The following LRP1B variants were observed in gnomAD, a reference collection of about 807,000 sequenced individuals.
LRP1B encodes the protein LDL receptor related protein 1B, also known as low-density lipoprotein receptor-related protein 1B.
LRP1B carries 217 observed loss-of-function variants against 556.6 expected under a neutral mutation model. The observed-to-expected ratio is 0.39, with a 90% CI of 0.35 to 0.44. The LOEUF is 0.44. Among genes scored for constraint, LRP1B ranks in the 20% least tolerant of loss-of-function variants. The probability of loss-of-function intolerance (pLI) is 1.00; values close to 1 mark genes in which losing one functional copy is unlikely to be tolerated. For missense variants in LRP1B, 5,053 were observed against 5,620.8 expected, an observed-to-expected ratio of 0.90 and a Z score of 3.23; for synonymous variants, 2,047 against 1,865.8, an observed-to-expected ratio of 1.10 and a Z score of -2.50.
chr2:140,461,282 T>C (rs998355240), intron 60 of LRP1B, among the ~76,000 whole-genome samples: 1 of 152,072 alleles, frequency 6.6e-6, no homozygotes, highest in African/African-American at 2.4e-5. Context: ...TTTAAATACT[T>C]AAGAAACGAA....
intron 59 of LRP1B, among the ~76,000 whole-genome samples, chr2:140,483,242 TATA>T (rs1429272978): frequency 6.6e-6 from 1 of 152,114 alleles, no homozygotes; most frequent in Admixed American, 6.6e-5. Flanking sequence ...TTATAACATC[TATA>T]ATAATTTTGT....
intron 18 of LRP1B, among the ~76,000 whole-genome samples, chr2:140,962,380 G>C (rs1468344825): frequency 2.0e-5 from 3 of 152,128 alleles, no homozygotes; most frequent in African/African-American, 7.2e-5. Flanking sequence ...AAAAACACCA[G>C]AGCAGGTCTA....
At chr2:142,008,312 T>C (rs927146352) in intron 1 of LRP1B, among the ~76,000 whole-genome samples, 12 of 152,132 alleles carry the variant, frequency 7.9e-5, no homozygotes, top group Non-Finnish European at 1.2e-4. Context: ...TAACACAGAA[T>C]AGTTTGAAAG....
chr2:141,889,858 A>G (rs1443099336), intron 1 of LRP1B, among the ~76,000 whole-genome samples: 2 of 152,156 alleles, frequency 1.3e-5, no homozygotes, highest in East Asian at 3.9e-4. Flanking sequence ...CCATTTAGTA[A>G]GAAATCTGCT....
chr2:141,278,379 G>A (rs1685382356), intron 3 of LRP1B, among the ~76,000 whole-genome samples: 2 of 152,084 alleles, frequency 1.3e-5, no homozygotes, highest in South Asian at 4.2e-4. Flanking sequence ...TATATTCCTA[G>A]TATAAATAGG....
At chr2:140,561,957 A>G (rs1374719278) in intron 43 of LRP1B, among the ~76,000 whole-genome samples, 1 of 152,128 alleles carries the variant, frequency 6.6e-6, no homozygotes, top group Non-Finnish European at 1.5e-5. Context: ...AATTTACTAT[A>G]TAAACAAAAT....
chr2:140,386,089 TCCA>T, intron 66 of LRP1B, 80 bp from the exon 67 acceptor site: 1 of 816,330 alleles, frequency 1.2e-6, no homozygotes, highest in Non-Finnish European at 2.1e-6. Flanking sequence ...CCATGCCAAA[TCCA>T]TGGCATATAA....
intron 1 of LRP1B, among the ~76,000 whole-genome samples, chr2:141,955,811 G>A (rs1356446047): frequency 2.6e-5 from 4 of 152,054 alleles, no homozygotes; most frequent in Admixed American, 6.6e-5. Flanking sequence ...TCTAGAGCTA[G>A]TAGTGATTCC....
intron 7 of LRP1B, among the ~76,000 whole-genome samples, chr2:141,077,592 A>G (rs541789788): frequency 4.6e-5 from 7 of 152,324 alleles, no homozygotes; most frequent in African/African-American, 1.7e-4. Flanking sequence ...AAAGATGATT[A>G]TCTTCAATAC....
intron 41 of LRP1B, among the ~76,000 whole-genome samples, chr2:140,650,045 C>T (rs1052214134): frequency 1.3e-5 from 2 of 151,946 alleles, no homozygotes; most frequent in African/African-American, 4.8e-5. Flanking sequence ...CTTTTATATT[C>T]AACTTCTGAT....
intron 43 of LRP1B, among the ~76,000 whole-genome samples, chr2:140,596,738 T>A (rs1239718487): frequency 6.6e-6 from 1 of 152,114 alleles, no homozygotes; most frequent in Non-Finnish European, 1.5e-5. Context: ...TCACCAGGGG[T>A]AGAATCACCT....
chr2:140,554,853 T>C (rs1349445636), intron 43 of LRP1B, among the ~76,000 whole-genome samples: 1 of 129,008 alleles, frequency 7.8e-6, no homozygotes, highest in Non-Finnish European at 1.7e-5. Flanking sequence ...AAAGTGTGTG[T>C]ATGTGTGTGT....
intron 3 of LRP1B, among the ~76,000 whole-genome samples, chr2:141,429,737 C>A (rs552622633): frequency 6.6e-6 from 1 of 152,018 alleles, no homozygotes; most frequent in African/African-American, 2.4e-5. Context: ...AGAGAATATG[C>A]GGTATTTGGT....
intron 7 of LRP1B, among the ~76,000 whole-genome samples, chr2:141,164,873 A>G (rs1050065627): frequency 6.6e-6 from 1 of 152,004 alleles, no homozygotes; most frequent in Non-Finnish European, 1.5e-5. Context: ...AATTTCTTCT[A>G]TGTTTTCCTA....
chr2:140,421,983 A>T (rs1238253958), intron 66 of LRP1B, among the ~76,000 whole-genome samples: 1 of 152,252 alleles, frequency 6.6e-6, no homozygotes, highest in Non-Finnish European at 1.5e-5. Context: ...TCTATATAGT[A>T]AAGCCTTCTT....
intron 3 of LRP1B, among the ~76,000 whole-genome samples, chr2:141,386,905 C>G (rs935712521): frequency 6.6e-6 from 1 of 151,956 alleles, no homozygotes; most frequent in African/African-American, 2.4e-5. Flanking sequence ...AATACACATT[C>G]TTTTCAAGTG....
Position 140,542,301 on chromosome 2 carries a change from T to C in LRP1B, c.7195-330A>G, listed in dbSNP as rs115687045. On this transcript the variant is annotated intron_variant, in intron 43 of 90. Coordinates refer to ENST00000389484, the MANE Select transcript of LRP1B (RefSeq NM_018557.3). The stretch of plus-strand genomic sequence containing the variant: ...AAATATTAGACGAAGATTATCAACA[T>C]TTATTAACCTTTAGTAAGAAATCAC... 6.8e-3 allele frequency among the ~76,000 whole-genome samples: 1,042 copies of C among 152,190 alleles called. 13 individuals carry two copies. Among genetic ancestry groups the C allele is most frequent in the African/African-American group, 0.024 (983 of 41,550 alleles).
At chr2:141,935,866 T>C (rs973731419) in intron 1 of LRP1B, among the ~76,000 whole-genome samples, 4 of 152,190 alleles carry the variant, frequency 2.6e-5, no homozygotes, top group African/African-American at 9.6e-5. Context: ...AGTGGGAGGA[T>C]CACTTGAGCC....
chr2:141,325,792 G>C (rs1438617909), intron 3 of LRP1B, among the ~76,000 whole-genome samples: 1 of 152,120 alleles, frequency 6.6e-6, no homozygotes, highest in Non-Finnish European at 1.5e-5. Flanking sequence ...AGAGATTAGA[G>C]ACCCAAAAAG....
Sources: allele counts gnomAD v4.1 joint callset (sites outside exome capture counted in the v4.1 genomes callset), GRCh38; gene constraint gnomAD v4.1.1; transcripts MANE v1.5; gene names NCBI Gene and HGNC (gene_info 2026-07-23, HGNC 2026-07-21).